The following SLC43A3 variants were observed in gnomAD, a reference collection of about 807,000 sequenced individuals.
SLC43A3 encodes the protein solute carrier family 43 member 3.
In SLC43A3, 33 loss-of-function variants were observed where a neutral mutation model predicts 53.3. That is an observed-to-expected ratio of 0.62 (90% confidence interval 0.47 to 0.83). The LOEUF (loss-of-function observed/expected upper bound fraction) is 0.83. Ranked by LOEUF, SLC43A3 falls within the 40% of genes least tolerant of loss-of-function variation. SLC43A3 has a pLI of 0.00. For synonymous variants in SLC43A3, 236 were observed against 246.2 expected (o/e 0.96, Z 0.39); for missense variants, 530 against 610.0 (o/e 0.87, Z 1.38).
At chr11:57,415,363 G>C (rs1942672279) in intron 9 of SLC43A3, 1 of 1,472,568 alleles carries the variant, frequency 6.8e-7, no homozygotes, top group Non-Finnish European at 9.0e-7. Flanking sequence ...TCACAGCCTG[G>C]TCAATGACAC....
At chr11:57,418,692 C>T (rs1942835062) in intron 7 of SLC43A3, among the ~76,000 whole-genome samples, 1 of 152,034 alleles carries the variant, frequency 6.6e-6, no homozygotes, top group South Asian at 2.1e-4. Flanking sequence ...GAGTTCCAGA[C>T]CAGCCTGGCC....
intron 11 of SLC43A3, among the ~76,000 whole-genome samples, chr11:57,413,934 C>T (rs10750861): frequency 0.63 from 95,155 of 151,992 alleles, 30,095 homozygotes; most frequent in Admixed American, 0.74. Context: ...AGGTGCCATT[C>T]CCTCCAGGAA....
At chr11:57,414,828 T>TC in intron 10 of SLC43A3, 97 bp from the exon 11 acceptor site, 1 of 1,532,888 alleles carries the variant, frequency 6.5e-7, no homozygotes, top group Non-Finnish European at 9.0e-7. Flanking sequence ...ATGTCCCTCC[T>TC]CCCCACACCA....
intron 10 of SLC43A3, 56 bp downstream of exon 10, chr11:57,414,877 C>T (rs1942646414): frequency 3.8e-6 from 6 of 1,593,038 alleles, no homozygotes; most frequent in South Asian, 1.1e-5. Flanking sequence ...TGCTGGGAGG[C>T]TCTGTGTTCC....
In SLC43A3 at chr11:57,410,128, G is replaced by A. The variant is rs374836874; in HGVS notation, c.1061-7C>T. 9.1e-5 allele frequency: 144 copies of A among 1,576,970 alleles called. No homozygotes were observed. In the African/African-American group the frequency reaches 1.6e-3, roughly 17 times the overall value. On this transcript the variant is annotated splice_region_variant and splice_polypyrimidine_tract_variant and intron_variant, in intron 11 of 13. Transcript: ENST00000395124. ...ACCGCCAAAGTGGAGGAACCTGGGCGAACAGAGAGGAAAAAGAAGCTCTCT... is the reference window on the plus strand; with the variant it reads ...ACCGCCAAAGTGGAGGAACCTGGGCAAACAGAGAGGAAAAAGAAGCTCTCT...
At chr11:57,414,805 T>C in intron 10 of SLC43A3, 74 bp from the exon 11 acceptor site, 1 of 1,518,052 alleles carries the variant, frequency 6.6e-7, no homozygotes, top group South Asian at 1.1e-5. Flanking sequence ...TCTCCCACCT[T>C]ACCCTTGTCT....
At position 57,419,122 on chromosome 11, in the gene SLC43A3, G is replaced by A. The variant is rs112429063; in HGVS notation, c.532-1235C>T. On this transcript the variant is annotated intron_variant, in intron 7 of 13. Transcript: ENST00000395124. ...CCTCATACGACCCATCCCCACAGCC[G>A]GTGGAGCCTCCTCGTGTGGCTCCCC... Among the ~76,000 whole-genome samples the A allele has an allele frequency of 8.4e-3, 1,283 of 152,028 alleles. 8 individuals carry two copies. The highest frequency in any genetic ancestry group is 0.015 in the Non-Finnish European group (1,031 of 67,972).
In SLC43A3 at chr11:57,414,645, G is replaced by C. The variant is rs186807194; in HGVS notation, c.1030C>G (p.Gln344Glu). The change falls in exon 11 of 14, where the codon CAG (glutamine) becomes GAG (glutamate). Residue 344 changes from glutamine (Q) to glutamate (E), a missense_variant. Physicochemically the swap from Gln to Glu is conservative, Grantham distance 29. Around this residue, in one of 3 missense-constraint regions of SLC43A3, gnomAD observed 376 missense variants for 386.7 expected, o/e 0.97. Transcript: ENST00000395124. ...WNGLLMDRLK[Q>E]KYQKEARKTG... ...TTTCTTGCTTCCTTCTGGTACTTCT[G>C]TTTAAGCCGGTCCATGAGCAGGCCA... 6.2e-6 allele frequency: 10 copies of C among 1,611,908 alleles called. No individual in the cohort carries two copies. The highest frequency in any genetic ancestry group is 8.5e-6 in the Non-Finnish European group (10 of 1,178,702).
At position 57,417,810 on chromosome 11, in the gene SLC43A3, G is replaced by A. The variant is rs1225790347; in HGVS notation, c.609C>T (p.Arg203=). 1.9e-6 allele frequency: 3 copies of A among 1,614,176 alleles called. No homozygotes were observed. Among genetic ancestry groups the A allele is most frequent in the Admixed American group, 1.7e-5 (1 of 60,030 alleles). ...GCCCCCGGGGCATCAGGAGGAAAGT[G>A]CGTGCTACATGCCAGGTACTGCAGA... ...ISVCSTWHVA[R]TFLLMPRGHI... Residue 203 remains arginine (R), a synonymous_variant, in exon 8 of 14, where the codon CGC becomes CGT. Transcript: ENST00000395124.
Position 57,426,208 on chromosome 11 carries a change from G to C in SLC43A3, c.-36C>G, listed in dbSNP as rs1943193799. 6.2e-7 allele frequency: 1 copy of C among 1,606,320 alleles called. No homozygotes were observed. The highest frequency in any genetic ancestry group is 1.3e-5 in the African/African-American group (1 of 74,788). On this transcript the variant is annotated 5_prime_UTR_variant, in exon 3 of 14. Coordinates refer to ENST00000395124, the MANE Select transcript of SLC43A3 (RefSeq NM_199329.3). ...GGAGTGGATCTTCAAATCCCACTTT[G>C]TCCTCCTGGACGGATCACAGGCGCC...
chr11:57,418,350 A>AG (rs1942820077), intron 7 of SLC43A3, among the ~76,000 whole-genome samples: 2 of 151,752 alleles, frequency 1.3e-5, no homozygotes, highest in East Asian at 3.9e-4. Flanking sequence ...AAAAAAAAAA[A>AG]GGAAAGGAAA....
At chr11:57,413,850 G>A (rs1423115366) in intron 11 of SLC43A3, among the ~76,000 whole-genome samples, 1 of 152,046 alleles carries the variant, frequency 6.6e-6, no homozygotes, top group African/African-American at 2.4e-5. Flanking sequence ...TGACCCCACT[G>A]TGCTCCTGGG....
intron 3 of SLC43A3, 43 bp from the exon 4 acceptor site, chr11:57,425,713 C>G: frequency 6.2e-7 from 1 of 1,610,732 alleles, no homozygotes; most frequent in Non-Finnish European, 8.5e-7. Flanking sequence ...AGCCTTCCTG[C>G]CAAATGAGCA....
chr11:57,415,079 TC>T lies in SLC43A3; in HGVS notation c.796del (p.Glu266AsnfsTer23). Reference protein sequence around the residue: ...EETPGAGQKQELRSFWSYAFS... With the variant: ...EETPGAGQKQXLRSFWSYAFS... Reference sequence around the variant, plus strand: ...AGCGTAGCTCCAGAAGGAGCGGAGTTCCTGCTTCTGCCCTGCCCCTGGGGTC... The same window carrying T: ...AGCGTAGCTCCAGAAGGAGCGGAGTTCTGCTTCTGCCCTGCCCCTGGGGTC... On this transcript the variant is annotated frameshift_variant, in exon 10 of 14. Coordinates refer to ENST00000395124, the MANE Select transcript of SLC43A3 (RefSeq NM_199329.3). LOFTEE classifies it high-confidence loss of function. 1 of 1,612,956 alleles carries T rather than the reference TC, an allele frequency of 6.2e-7. No homozygotes were observed. Among genetic ancestry groups the T allele is most frequent in the Non-Finnish European group, 8.5e-7 (1 of 1,179,312 alleles).
Position 57,417,897 on chromosome 11 carries a change from G to C in SLC43A3, c.532-10C>G. The C allele has an allele frequency of 6.2e-7, 1 of 1,613,590 alleles. No homozygotes were observed. Among genetic ancestry groups the C allele is most frequent in the Non-Finnish European group, 8.5e-7 (1 of 1,179,720 alleles). ...CTTTTTCATAAAGAAGCTGCAGAAG[G>C]AGAAGGAAAAAGTCAGTGTCACACC... On this transcript the variant is annotated splice_polypyrimidine_tract_variant and intron_variant, in intron 7 of 13. Transcript: ENST00000395124.
Position 57,421,373 on chromosome 11 carries a change from C to A in SLC43A3, c.362G>T (p.Gly121Val). 10 of 1,613,334 alleles carry A rather than the reference C, an allele frequency of 6.2e-6. No individual in the cohort carries two copies. Among genetic ancestry groups the A allele is most frequent in the Non-Finnish European group, 8.5e-6 (10 of 1,179,614 alleles). The change falls in exon 6 of 14, where the codon GGC (glycine) becomes GTC (valine). Residue 121 changes from glycine (G) to valine (V), a missense_variant and splice_region_variant. Physicochemically the swap from Gly to Val is moderately radical, Grantham distance 109. Coordinates refer to ENST00000395124, the MANE Select transcript of SLC43A3 (RefSeq NM_199329.3). ...GGCCAGGAAGAGCAGCACGGCTGAG[C>A]CTGGACCATCAAAGTCAGAGGTAGG... is the stretch of plus-strand genomic sequence containing the variant. ...ATLIIAFTSA[G>V]SAVLLFLAMP...
In SLC43A3 at chr11:57,407,814, T is replaced by C; in HGVS notation, c.1454A>G (p.Glu485Gly). The C allele has an allele frequency of 6.2e-7, 1 of 1,612,236 alleles. No individual in the cohort carries two copies. The highest frequency in any genetic ancestry group is 8.5e-7 in the Non-Finnish European group (1 of 1,178,258). Residue 485 changes from glutamate (E) to glycine (G), a missense_variant, in exon 14 of 14, where the codon GAA becomes GGA. By Grantham distance (98) the Glu-to-Gly change is moderately conservative. Around this residue, in one of 3 missense-constraint regions of SLC43A3, gnomAD observed 124 missense variants for 166.4 expected, o/e 0.75. Transcript: ENST00000395124. ...LVYRECRTWK[E>G]SPSAIA ...GAACTATGCAATTGCAGAGGGACTT[T>C]CTTTCCAAGTACGGCATTCCCGATA... is the stretch of plus-strand genomic sequence containing the variant.
At chr11:57,413,602 A>G (rs1311152429) in intron 11 of SLC43A3, among the ~76,000 whole-genome samples, 2 of 152,158 alleles carry the variant, frequency 1.3e-5, no homozygotes, top group African/African-American at 4.8e-5. Flanking sequence ...TAAGTATGCA[A>G]AATGTTAGTC....
intron 4 of SLC43A3, among the ~76,000 whole-genome samples, chr11:57,424,800 C>G (rs1943137108): frequency 2.6e-5 from 4 of 152,190 alleles, no homozygotes; most frequent in African/African-American, 9.7e-5. Context: ...CCCAGCCAGC[C>G]CTCCCGTCTC....
Sources: gnomAD v4.1 joint callset for allele counts (sites outside exome capture counted in the v4.1 genomes callset) on GRCh38, gnomAD v4.1.1 for gene constraint, gnomAD v4.1.1 regional missense constraint, MANE v1.5 for transcripts, NCBI Gene and HGNC (gene_info 2026-07-23, HGNC 2026-07-21) for gene names.